Variants in ZFAND6 observed in about 807,000 individuals in gnomAD.
The protein encoded by ZFAND6 is zinc finger AN1-type containing 6, also known as AN1-type zinc finger protein 6.
ZFAND6 carries 12 observed loss-of-function variants against 24.5 expected under a neutral mutation model. The observed-to-expected ratio is 0.49, with a 90% CI of 0.31 to 0.79. ZFAND6 has a LOEUF of 0.79. Among genes scored for constraint, ZFAND6 ranks in the 30% least tolerant of loss-of-function variants. The pLI, the probability that ZFAND6 is intolerant of heterozygous loss-of-function variation, is 0.04. For missense variants in ZFAND6, 207 were observed against 245.9 expected (o/e 0.84, Z 1.06); for synonymous variants, 92 against 81.5 (o/e 1.13, Z -0.69).
At chr15:80,076,261 A>G (rs1171023957) in intron 1 of ZFAND6, among the ~76,000 whole-genome samples, 1 of 152,172 alleles carries the variant, frequency 6.6e-6, no homozygotes, top group African/African-American at 2.4e-5. Flanking sequence ...ACCAAAAGTC[A>G]CAGCAAATGG....
At chr15:80,134,222 G>A (rs986361723) in intron 6 of ZFAND6, among the ~76,000 whole-genome samples, 2 of 151,962 alleles carry the variant, frequency 1.3e-5, no homozygotes, top group Non-Finnish European at 2.9e-5. Flanking sequence ...ACTCCTGATC[G>A]CAGGTGATCC....
chr15:80,085,391 A>G (rs1341317991), intron 1 of ZFAND6, among the ~76,000 whole-genome samples: 1 of 152,232 alleles, frequency 6.6e-6, no homozygotes, highest in Non-Finnish European at 1.5e-5. Context: ...TATTGAATAC[A>G]TAAATTCATT....
chr15:80,068,787 A>G (rs1172903138), intron 1 of ZFAND6, among the ~76,000 whole-genome samples: 1 of 152,246 alleles, frequency 6.6e-6, no homozygotes, highest in Non-Finnish European at 1.5e-5. Flanking sequence ...GACTACTAGG[A>G]AATAGAAAAC....
intron 2 of ZFAND6, among the ~76,000 whole-genome samples, chr15:80,104,728 T>C (rs190545919): frequency 1.3e-5 from 2 of 152,376 alleles, no homozygotes; most frequent in East Asian, 3.9e-4. Context: ...TATTCTTCTT[T>C]GCATTAGCTC....
In ZFAND6 at chr15:80,138,243, A is replaced by G. The variant is rs1011182715; in HGVS notation, c.*615A>G. 1.3e-5 allele frequency: 2 copies of G among 152,638 alleles called. No individual in the cohort carries two copies. The highest frequency in any genetic ancestry group is 4.8e-5 in the African/African-American group (2 of 41,450). The allele number at this position is 152,638 out of a possible 1,614,324, so 9.5% of individuals were successfully genotyped here. On this transcript the variant is annotated 3_prime_UTR_variant, in exon 7 of 7. Coordinates refer to ENST00000261749, the MANE Select transcript of ZFAND6 (RefSeq NM_019006.4). Reference sequence around the variant, plus strand: ...AGCGAGGGAAGAAAAAGCTGTATGCATTTCATTGCTGTCTACAGGTTTCTT... The same window carrying G: ...AGCGAGGGAAGAAAAAGCTGTATGCGTTTCATTGCTGTCTACAGGTTTCTT...
chr15:80,114,415 T>G (rs1490795043), intron 2 of ZFAND6, among the ~76,000 whole-genome samples: 1 of 152,224 alleles, frequency 6.6e-6, no homozygotes, highest in Non-Finnish European at 1.5e-5. Flanking sequence ...AGTACTCCTC[T>G]CTGGGACAAT....
At chr15:80,135,210 T>C (rs1031876970) in intron 6 of ZFAND6, among the ~76,000 whole-genome samples, 3 of 152,354 alleles carry the variant, frequency 2.0e-5, no homozygotes, top group Non-Finnish European at 2.9e-5. Flanking sequence ...CTGAATAACA[T>C]TTCCTTTTCT....
At chr15:80,091,567 C>T (rs946188580) in intron 1 of ZFAND6, among the ~76,000 whole-genome samples, 1 of 152,124 alleles carries the variant, frequency 6.6e-6, no homozygotes, top group Non-Finnish European at 1.5e-5. Context: ...TGCCAGTTTG[C>T]CATCGGTATC....
intron 1 of ZFAND6, among the ~76,000 whole-genome samples, chr15:80,097,351 A>G (rs1335302544): frequency 6.6e-6 from 1 of 152,078 alleles, no homozygotes; most frequent in Non-Finnish European, 1.5e-5. Context: ...AATTTTTTTA[A>G]AAATTAAATC....
chr15:80,084,253 C>T lies in ZFAND6; in HGVS notation c.-180-14163C>T, dbSNP rs140964301. ...AAGTGTAGGTCGATCATCCCAAATT[C>T]GAAATTTGAAATACTCCAAGATTGG... On this transcript the variant is annotated intron_variant, in intron 1 of 6. Coordinates refer to ENST00000261749, the MANE Select transcript of ZFAND6 (RefSeq NM_019006.4). Among the ~76,000 whole-genome samples the T allele has an allele frequency of 2.5e-3, 373 of 151,802 alleles. 3 individuals carry two copies. Among genetic ancestry groups the T allele is most frequent in the African/African-American group, 8.4e-3 (347 of 41,360 alleles).
At chr15:80,106,268 G>A (rs1018090475) in intron 2 of ZFAND6, among the ~76,000 whole-genome samples, 6 of 152,144 alleles carry the variant, frequency 3.9e-5, no homozygotes, top group African/African-American at 1.2e-4. Flanking sequence ...ATGTATTTGA[G>A]TACCTCCTAT....
chr15:80,091,901 A>G (rs1334031382), intron 1 of ZFAND6, among the ~76,000 whole-genome samples: 1 of 152,114 alleles, frequency 6.6e-6, no homozygotes, highest in Non-Finnish European at 1.5e-5. Flanking sequence ...CAGCCTCCCA[A>G]AGTGCTGAGA....
chr15:80,081,988 A>G (rs894024333), intron 1 of ZFAND6, among the ~76,000 whole-genome samples: 13 of 152,214 alleles, frequency 8.5e-5, no homozygotes, highest in African/African-American at 2.9e-4. Flanking sequence ...CTGGATGTAC[A>G]CTAAAAGCTT....
intron 1 of ZFAND6, among the ~76,000 whole-genome samples, chr15:80,088,544 C>T (rs527661471): frequency 1.0e-3 from 152 of 152,206 alleles, no homozygotes; most frequent in African/African-American, 3.4e-3. Context: ...CCAGCCTGGG[C>T]GATAAGAGCG....
intron 1 of ZFAND6, among the ~76,000 whole-genome samples, chr15:80,078,762 C>T (rs1035460122): frequency 1.3e-5 from 2 of 151,734 alleles, no homozygotes; most frequent in Non-Finnish European, 2.9e-5. Context: ...TTCTGACTGG[C>T]TTGAGATGAT....
intron 3 of ZFAND6, 114 bp downstream of exon 3, chr15:80,120,612 A>G: frequency 1.1e-6 from 1 of 912,412 alleles, no homozygotes; most frequent in South Asian, 4.4e-5. Context: ...CCATATTCAT[A>G]TCAGTAAAAT....
chr15:80,059,577 C>A (rs1014252611), upstream of ZFAND6: 10 of 152,084 alleles, frequency 6.6e-5, no homozygotes, highest in Non-Finnish European at 1.5e-4. Flanking sequence ...TAATAATTAG[C>A]GGGCGGGCGG....
At chr15:80,088,749 C>T (rs548407386) in intron 1 of ZFAND6, among the ~76,000 whole-genome samples, 7 of 152,256 alleles carry the variant, frequency 4.6e-5, no homozygotes, top group East Asian at 1.9e-4. Flanking sequence ...AATTCTGTTA[C>T]GTGTGCTGTA....
At chr15:80,084,643 A>G (rs998317047) in intron 1 of ZFAND6, among the ~76,000 whole-genome samples, 2 of 152,234 alleles carry the variant, frequency 1.3e-5, no homozygotes, top group East Asian at 1.9e-4. Context: ...CTTGAAAACA[A>G]TACTAAGTTA....
Sources: gnomAD v4.1 joint callset for allele counts (sites outside exome capture counted in the v4.1 genomes callset) on GRCh38, gnomAD v4.1.1 for gene constraint, MANE v1.5 for transcripts, NCBI Gene and HGNC (gene_info 2026-07-23, HGNC 2026-07-21) for gene names.